EPHA6: variants seen among roughly 807,000 people sequenced by gnomAD.
The protein encoded by EPHA6 is ephrin type-A receptor 6.
Under a neutral mutation model 112.0 loss-of-function variants are expected in EPHA6, and 50 were observed. The ratio of observed to expected loss-of-function variants is 0.45; its 90% CI spans 0.36 to 0.56. The LOEUF (loss-of-function observed/expected upper bound fraction) is 0.56. Ranked by LOEUF, EPHA6 falls within the 20% of genes least tolerant of loss-of-function variation. The pLI is 0.00. For synonymous variants in EPHA6, 529 were observed against 490.7 expected, an observed-to-expected ratio of 1.08 and a Z score of -1.03; for missense variants, 1,280 against 1,417.4, an observed-to-expected ratio of 0.90 and a Z score of 1.56.
At chr3:97,390,745 C>A (rs2086351584) in intron 5 of EPHA6, among the ~76,000 whole-genome samples, 1 of 151,778 alleles carries the variant, frequency 6.6e-6, no homozygotes, top group African/African-American at 2.4e-5. Context: ...TTTTACTGAT[C>A]AAGAGTTATT....
At chr3:96,867,029 C>T (rs987722839) in intron 2 of EPHA6, 140 bp downstream of exon 2, 1 of 450,816 alleles carries the variant, frequency 2.2e-6, no homozygotes, top group Non-Finnish European at 3.9e-6. Flanking sequence ...GGTTAAAATA[C>T]AATTAGAACT....
At chr3:97,594,524 T>C (rs1389186018) in intron 12 of EPHA6, among the ~76,000 whole-genome samples, 1 of 152,218 alleles carries the variant, frequency 6.6e-6, no homozygotes, top group African/African-American at 2.4e-5. Context: ...ACACTTTTCC[T>C]GGCTTATATC....
At chr3:97,272,612 A>G (rs1175889993) in intron 5 of EPHA6, among the ~76,000 whole-genome samples, 1 of 152,016 alleles carries the variant, frequency 6.6e-6, no homozygotes, top group African/African-American at 2.4e-5. Context: ...TTGGGTAGGT[A>G]AAGGAAAATT....
intron 12 of EPHA6, among the ~76,000 whole-genome samples, chr3:97,610,009 C>A (rs1460823562): frequency 6.6e-6 from 1 of 151,412 alleles, no homozygotes; most frequent in Non-Finnish European, 1.5e-5. Flanking sequence ...TTATTTATGT[C>A]GAATATTCTA....
chr3:97,489,193 A>G (rs1191381795), intron 10 of EPHA6, among the ~76,000 whole-genome samples: 1 of 152,258 alleles, frequency 6.6e-6, no homozygotes, highest in Non-Finnish European at 1.5e-5. Flanking sequence ...TGAGATGAAT[A>G]ACACTTATTG....
At chr3:97,466,281 C>T (rs757251179) in intron 7 of EPHA6, 7 of 1,304,744 alleles carry the variant, frequency 5.4e-6, no homozygotes, top group Admixed American at 3.4e-5. Context: ...AGATAGAAAA[C>T]ATTCCCCTCA....
At chr3:97,651,380 C>T (rs2094106464) in intron 14 of EPHA6, among the ~76,000 whole-genome samples, 1 of 151,946 alleles carries the variant, frequency 6.6e-6, no homozygotes, top group African/African-American at 2.4e-5. Flanking sequence ...AGAAAATTCA[C>T]AAGCAGAGGG....
intron 6 of EPHA6, chr3:97,439,712 A>G (rs769114672): frequency 5.3e-5 from 37 of 698,228 alleles, no homozygotes; most frequent in Non-Finnish European, 6.2e-5. Context: ...GTTTCTCATC[A>G]TGGGTTCATT....
At chr3:97,710,253 C>A (rs905743789) in intron 14 of EPHA6, among the ~76,000 whole-genome samples, 8 of 152,158 alleles carry the variant, frequency 5.3e-5, no homozygotes, top group Non-Finnish European at 1.0e-4. Flanking sequence ...GTAGCTGACC[C>A]CAAACAGACT....
chr3:96,951,982 A>G (rs749793468), intron 2 of EPHA6, among the ~76,000 whole-genome samples: 11 of 152,154 alleles, frequency 7.2e-5, no homozygotes, highest in Admixed American at 3.9e-4. Context: ...CTAGGAAACT[A>G]TGGTGTACTT....
At chr3:97,462,335 T>C (rs543816714) in intron 7 of EPHA6, among the ~76,000 whole-genome samples, 1 of 152,128 alleles carries the variant, frequency 6.6e-6, no homozygotes, top group Admixed American at 6.6e-5. Flanking sequence ...TCAGTATGAT[T>C]TTTTGGACCA....
intron 5 of EPHA6, among the ~76,000 whole-genome samples, chr3:97,266,237 T>G (rs2079677609): frequency 6.6e-6 from 1 of 152,210 alleles, no homozygotes; most frequent in Non-Finnish European, 1.5e-5. Context: ...TCCATTTTTA[T>G]GTACATGCAT....
intron 10 of EPHA6, among the ~76,000 whole-genome samples, chr3:97,505,033 C>A (rs1276944386): frequency 6.6e-6 from 1 of 151,940 alleles, no homozygotes; most frequent in Non-Finnish European, 1.5e-5. Context: ...TTACCTTTGT[C>A]ATCCCCAGAA....
chr3:96,868,132 T>C (rs1046682898), intron 2 of EPHA6, among the ~76,000 whole-genome samples: 1 of 151,344 alleles, frequency 6.6e-6, no homozygotes, highest in Non-Finnish European at 1.5e-5. Context: ...TGAATGAAAC[T>C]TTTCTAAAAT....
chr3:97,673,623 G>GATTTA (rs2031072852), intron 14 of EPHA6, among the ~76,000 whole-genome samples: 1 of 152,210 alleles, frequency 6.6e-6, no homozygotes, highest in Admixed American at 6.5e-5. Context: ...TTTGAGGACA[G>GATTTA]CGAACAAGCT....
At chr3:97,028,975 A>G (rs1332879220) in intron 3 of EPHA6, among the ~76,000 whole-genome samples, 1 of 151,766 alleles carries the variant, frequency 6.6e-6, no homozygotes, top group Non-Finnish European at 1.5e-5. Context: ...ATAGCTTCAA[A>G]CATTTATAAA....
intron 2 of EPHA6, among the ~76,000 whole-genome samples, chr3:96,952,015 G>C (rs539062214): frequency 6.6e-6 from 1 of 152,154 alleles, no homozygotes; most frequent in Non-Finnish European, 1.5e-5. Flanking sequence ...GGACAGACTA[G>C]GTGGGTATAC....
At chr3:97,493,602 G>A (rs55802200) in intron 10 of EPHA6, among the ~76,000 whole-genome samples, 2,656 of 142,058 alleles carry the variant, frequency 0.019, 76 homozygotes, top group African/African-American at 0.07. Flanking sequence ...TATAAATTTT[G>A]GGGGGACACA....
chr3:97,124,608 T>C (rs2048134737), intron 3 of EPHA6, among the ~76,000 whole-genome samples: 1 of 152,148 alleles, frequency 6.6e-6, no homozygotes, highest in South Asian at 2.1e-4. Flanking sequence ...GTAAATACCT[T>C]GTCACAAATT....
Sources: gnomAD v4.1 joint callset for allele counts (sites outside exome capture counted in the v4.1 genomes callset) on GRCh38, gnomAD v4.1.1 for gene constraint, MANE v1.5 for transcripts, NCBI Gene and HGNC (gene_info 2026-07-23, HGNC 2026-07-21) for gene names.